Variants in IL17RC observed in about 807,000 individuals in gnomAD.
The protein encoded by IL17RC is interleukin-17 receptor C.
IL17RC carries 53 observed loss-of-function variants against 86.7 expected under a neutral mutation model. The observed-to-expected ratio is 0.61, with a 90% confidence interval of 0.49 to 0.77. The LOEUF (loss-of-function observed/expected upper bound fraction) is 0.77, where lower values mean the gene tolerates loss of function less well. IL17RC is among the 30% of genes least tolerant of loss of function. The pLI, the probability that IL17RC is intolerant of heterozygous loss-of-function variation, is 0.00. For synonymous variants in IL17RC, 439 were observed against 413.1 expected, an observed-to-expected ratio of 1.06 and a Z score of -0.76; for missense variants, 957 against 940.0, an observed-to-expected ratio of 1.02 and a Z score of -0.24.
chr3:9,921,047 G>T, intron 7 of IL17RC, 78 bp downstream of exon 7: 4 of 832,204 alleles, frequency 4.8e-6, no homozygotes, highest in South Asian at 1.8e-5. Context: ...GTCCACTTCA[G>T]ATATGGGCTA....
At chr3:9,932,508 GC>G in intron 16 of IL17RC, 99 bp from the exon 17 acceptor site, 2 of 1,088,256 alleles carry the variant, frequency 1.8e-6, no homozygotes, top group Non-Finnish European at 2.8e-6. Context: ...TTATATAAAG[GC>G]ATGAGCCACC....
Position 9,928,393 on chromosome 3 carries a change from G to A in IL17RC, c.966G>A (p.Leu322=), listed in dbSNP as rs1322166868. The part of the protein sequence containing the change: ...QSWLLDAPCS[L]PAEAALCWRA... ...GGCTGCTGGACGCACCGTGCTCGCT[G>A]CCCGCAGAAGCGGCACTGTGCTGGC... The change falls in exon 11 of 19, where the codon CTG becomes CTA. Residue 322 remains leucine (L), a synonymous_variant. Transcript: ENST00000403601. The A allele has an allele frequency of 1.9e-6, 3 of 1,604,588 alleles. No homozygotes were observed. Among genetic ancestry groups the A allele is most frequent in the East Asian group, 2.2e-5 (1 of 44,754 alleles).
At chr3:9,924,390 T>C (rs1045048460) in intron 9 of IL17RC, 99 bp downstream of exon 9, 5 of 1,277,600 alleles carry the variant, frequency 3.9e-6, no homozygotes, top group African/African-American at 2.9e-5. Flanking sequence ...AAACCCTTCA[T>C]TGAGGTGGAG....
At position 9,925,185 on chromosome 3, in the gene IL17RC, G is replaced by A. The variant is rs1403706409; in HGVS notation, c.822+894G>A. ...GGCTGGAGCACCGTGGCGTGATCTC[G>A]GCTCACTGCAAGCTGCTTCTCCTGG... On this transcript the variant is annotated intron_variant, in intron 9 of 18. Transcript: ENST00000403601. Among the ~76,000 whole-genome samples, 4 of 149,936 alleles carry A rather than the reference G, an allele frequency of 2.7e-5. 1 individual carries two copies. The highest frequency in any genetic ancestry group is 4.9e-5 in the African/African-American group (2 of 40,552).
chr3:9,929,826 C>G (rs779884869), intron 12 of IL17RC, 26 bp from the exon 13 acceptor site: 1 of 1,613,890 alleles, frequency 6.2e-7, no homozygotes, highest in South Asian at 1.1e-5. Context: ...TTCTTAGTGG[C>G]CCTAACCATG....
At position 9,933,292 on chromosome 3, in the gene IL17RC, T is replaced by C. The variant is rs201296441; in HGVS notation, c.1862T>C (p.Leu621Ser). The change falls in exon 19 of 19, where the codon TTG becomes TCG. Residue 621 changes from leucine (L) to serine (S), a missense_variant. Coordinates refer to ENST00000403601, the MANE Select transcript of IL17RC (RefSeq NM_153460.4). Reference sequence around the variant, plus strand: ...CTCAGCTGCGTGCTGCCCGACTTCTTGCAGGGCCGGGCGCCCGGCAGCTAC... The same window carrying C: ...CTCAGCTGCGTGCTGCCCGACTTCTCGCAGGGCCGGGCGCCCGGCAGCTAC... ...ASLSCVLPDF[L>S]QGRAPGSYVG... 2.2e-4 allele frequency: 349 copies of C among 1,604,504 alleles called. 2 individuals carry two copies. Among genetic ancestry groups the C allele is most frequent in the Non-Finnish European group, 2.6e-4 (307 of 1,175,760 alleles).
At chr3:9,923,128 G>A (rs1356549925) in intron 7 of IL17RC, among the ~76,000 whole-genome samples, 1 of 139,000 alleles carries the variant, frequency 7.2e-6, no homozygotes, top group East Asian at 2.1e-4. Flanking sequence ...AGTGAGCCGA[G>A]ATCACACCAC....
Position 9,932,976 on chromosome 3 carries a change from C to G in IL17RC, c.1546C>G (p.Leu516Val), listed in dbSNP as rs773256916. ...AGCGGCCGCCAGGGGCCGCGCGGCT[C>G]TGCTCCTCTACTCAGCCGATGACTC... ...SGAAARGRAA[L>V]LLYSADDSGF... Residue 516 changes from leucine (L) to valine (V), a missense_variant, in exon 19 of 19, where the codon CTG (leucine) becomes GTG (valine). By Grantham distance (32) the Leu-to-Val change is conservative (BLOSUM62 1). Transcript: ENST00000403601. The G allele has an allele frequency of 8.7e-6, 14 of 1,604,914 alleles. No individual in the cohort carries two copies. The highest frequency in any genetic ancestry group is 3.4e-5 in the Admixed American group (2 of 58,630).
intron 2 of IL17RC, 55 bp downstream of exon 2, chr3:9,917,789 C>T: frequency 1.9e-6 from 3 of 1,610,566 alleles, no homozygotes; most frequent in Non-Finnish European, 2.5e-6. Flanking sequence ...GGGAGCAGAG[C>T]TGTCCCAGGC....
Position 9,928,174 on chromosome 3 carries a change from T to C in IL17RC, c.831T>C (p.Pro277=), listed in dbSNP as rs762352491. The change falls in exon 10 of 19, where the codon CCT becomes CCC. Residue 277 remains proline, a synonymous_variant. Transcript: ENST00000403601. ...CCCCATTTCCTTTCCAGGTGTGGCC[T>C]CTGGAACCTGACTCCGTTAGGACGA... ...LVPCLCIQVW[P]LEPDSVRTNI... The C allele has an allele frequency of 1.9e-6, 3 of 1,614,096 alleles. No individual in the cohort carries two copies. The South Asian group carries it at 3.3e-5, about 18-fold the overall frequency.
chr3:9,921,013 TCTGGAGTATAAGAAACC>T (rs775127926), intron 7 of IL17RC, 44 bp downstream of exon 7: 185 of 1,375,820 alleles, frequency 1.3e-4, no homozygotes, highest in Non-Finnish European at 1.7e-4. Flanking sequence ...AGGGGCAGGG[TCTGGAGTATAAGAAACC>T]CTTGGAGTCC....
intron 9 of IL17RC, among the ~76,000 whole-genome samples, chr3:9,925,930 T>A (rs1261439116): frequency 6.6e-6 from 1 of 150,660 alleles, no homozygotes; most frequent in African/African-American, 2.4e-5. Flanking sequence ...CATGAACACG[T>A]CTCATTGCAG....
chr3:9,932,728 C>A (rs774327445), intron 17 of IL17RC, 25 bp downstream of exon 17: 3 of 1,612,620 alleles, frequency 1.9e-6, no homozygotes, highest in Non-Finnish European at 2.5e-6. Context: ...GCTCCCCATT[C>A]CCCTGGGGGA....
intron 9 of IL17RC, among the ~76,000 whole-genome samples, chr3:9,927,786 C>G (rs1174565495): frequency 6.6e-6 from 1 of 151,996 alleles, no homozygotes; most frequent in Non-Finnish European, 1.5e-5. Context: ...ACTAAAAATA[C>G]AAAAATTAAC....
At chr3:9,923,155 C>T (rs1205355583) in intron 7 of IL17RC, among the ~76,000 whole-genome samples, 6 of 138,016 alleles carry the variant, frequency 4.3e-5, no homozygotes, top group Non-Finnish European at 9.1e-5. Flanking sequence ...CCAGCCTGGG[C>T]GACAGAGCCA....
At position 9,930,564 on chromosome 3, in the gene IL17RC, G is replaced by A. The variant is rs930092763; in HGVS notation, c.1338+105G>A. The A allele has an allele frequency of 8.6e-5, 100 of 1,163,550 alleles. No individual in the cohort carries two copies. The highest frequency in any genetic ancestry group is 3.6e-4 in the Admixed American group (17 of 47,396). The allele number at this position is 1,163,550 out of a possible 1,614,324, so 72.1% of individuals were successfully genotyped here. On this transcript the variant is annotated intron_variant, in intron 15 of 18. Transcript: ENST00000403601. The surrounding 1 kb of genome is among the most constrained non-coding windows in gnomAD (Gnocchi z 5.8). ...AGGCTTATTTTATGTTCAGCCCTGG[G>A]AAAGTTAAGAGTAGAAGAAGCACAG...
Position 9,917,940 on chromosome 3 carries a change from C to T in IL17RC, c.145C>T (p.Leu49=). 1 of 1,613,506 alleles carries T rather than the reference C, an allele frequency of 6.2e-7. No individual in the cohort carries two copies. The highest frequency in any genetic ancestry group is 8.5e-7 in the Non-Finnish European group (1 of 1,180,034). The change falls in exon 3 of 19, where the codon CTG becomes TTG. Residue 49 remains leucine (L), a synonymous_variant. Coordinates refer to ENST00000403601, the MANE Select transcript of IL17RC (RefSeq NM_153460.4). ...CRLWDSDILC[L]PGDIVPAPGP... ...ACACACAGACAGTGACATACTCTGC[C>T]TGCCTGGGGACATCGTGCCTGCTCC...
chr3:9,918,722 C>A (rs1284923954), intron 5 of IL17RC, 113 bp downstream of exon 5: 2 of 714,988 alleles, frequency 2.8e-6, no homozygotes, highest in Non-Finnish European at 4.8e-6. Context: ...CCCTTCAGTA[C>A]CAGGCATTAC....
chr3:9,917,803 T>C, intron 2 of IL17RC, 69 bp downstream of exon 2: 2 of 1,606,440 alleles, frequency 1.2e-6, no homozygotes, highest in South Asian at 1.1e-5. Flanking sequence ...CCCAGGCCCA[T>C]GCCCTCCATG....
Sources: gnomAD v4.1 joint callset for allele counts (sites outside exome capture counted in the v4.1 genomes callset) on GRCh38, gnomAD v4.1.1 for gene constraint, Gnocchi (gnomAD v3.1) non-coding constraint, MANE v1.5 for transcripts, NCBI Gene and HGNC (gene_info 2026-07-23, HGNC 2026-07-21) for gene names.